C6orf136: variants seen among roughly 807,000 people sequenced by gnomAD.
C6orf136 encodes the protein chromosome 6 open reading frame 136, also known as uncharacterized protein C6orf136.
A neutral mutation model predicts 44.0 loss-of-function variants in C6orf136; 29 were observed. The ratio of observed to expected loss-of-function variants is 0.66; its 90% CI spans 0.49 to 0.90. The LOEUF (loss-of-function observed/expected upper bound fraction) is 0.90, where lower values mean the gene tolerates loss of function less well. C6orf136 is among the 40% of genes least tolerant of loss of function. The probability of loss-of-function intolerance (pLI) is 0.00; values close to 1 mark genes in which losing one functional copy is unlikely to be tolerated. For synonymous variants in C6orf136, 293 were observed against 278.6 expected, an observed-to-expected ratio of 1.05 and a Z score of -0.52; for missense variants, 628 against 669.3, an observed-to-expected ratio of 0.94 and a Z score of 0.68.
Position 30,651,036 on chromosome 6 carries a change from TC to T in C6orf136, c.1062del (p.Leu355TrpfsTer24), listed in dbSNP as rs1296177472. 1 of 1,614,168 alleles carries T rather than the reference TC, an allele frequency of 6.2e-7. No individual in the cohort carries two copies. Among genetic ancestry groups the T allele is most frequent in the Admixed American group, 1.7e-5 (1 of 60,010 alleles). ...FLQSHDYSLYSLDVEFINEIL... is the reference protein window; with the variant it reads ...FLQSHDYSLYXLDVEFINEIL... ...TCAGTCCCACGACTACAGTCTGTAT[TC>T]CTTGGATGTGGAATTCATCAATGAG... On this transcript the variant is annotated frameshift_variant, in exon 3 of 6. Transcript: ENST00000651131. LOFTEE classifies it high-confidence loss of function.
chr6:30,649,835 C>G lies in C6orf136; in HGVS notation c.893C>G (p.Pro298Arg). ...LRSLFEGPPCPYPGAWIPFQV... is the reference protein window; with the variant it reads ...LRSLFEGPPCRYPGAWIPFQV... ...AGCCTTTTTGAGGGACCTCCCTGCCCCTATCCTGGGGCTTGGATACCTTTC... is the reference window on the plus strand; with the variant it reads ...AGCCTTTTTGAGGGACCTCCCTGCCGCTATCCTGGGGCTTGGATACCTTTC... Residue 298 changes from proline (P) to arginine (R), a missense_variant, in exon 2 of 6, where the codon CCC (proline) becomes CGC (arginine). Physicochemically the swap from Pro to Arg is moderately radical, Grantham distance 103. Coordinates refer to ENST00000651131, the MANE Select transcript of C6orf136 (RefSeq NM_001161376.2). 1 of 1,614,102 alleles carries G rather than the reference C, an allele frequency of 6.2e-7. No homozygotes were observed.
chr6:30,649,933 G>A lies in C6orf136; in HGVS notation c.991G>A (p.Val331Ile). ...GDPSMEEHLS[V>I]MYERLRQELP... ...TCCTAGTATGGAGGAACATCTGTCT[G>A]TCATGTATGAGAGACTGAGACAAGA... Residue 331 changes from valine to isoleucine, a missense_variant, in exon 2 of 6, where the codon GTC becomes ATC. By Grantham distance (29) the Val-to-Ile change is conservative. Coordinates refer to ENST00000651131, the MANE Select transcript of C6orf136 (RefSeq NM_001161376.2). 1 of 1,613,696 alleles carries A rather than the reference G, an allele frequency of 6.2e-7. No individual in the cohort carries two copies. The highest frequency in any genetic ancestry group is 8.5e-7 in the Non-Finnish European group (1 of 1,179,942).
Position 30,647,207 on chromosome 6 carries a change from G to T in C6orf136, c.-25G>T. On this transcript the variant is annotated 5_prime_UTR_variant, in exon 1 of 6. Coordinates refer to ENST00000651131, the MANE Select transcript of C6orf136 (RefSeq NM_001161376.2). The surrounding 1 kb of genome is among the most constrained non-coding windows in gnomAD (Gnocchi z 4.8). ...GGAGGCCGGAGGTCGGACTCAGGAG[G>T]CTCCTTCTCCACTCCCGGAAGATCA... The T allele has an allele frequency of 6.4e-7, 1 of 1,554,568 alleles. No homozygotes were observed. Among genetic ancestry groups the T allele is most frequent in the Non-Finnish European group, 8.6e-7 (1 of 1,157,616 alleles).
rs763976351 is a variant in C6orf136 at position 30,647,694 on chromosome 6, C to T, written c.463C>T (p.Arg155Cys). The change falls in exon 1 of 6, where the codon CGC (arginine) becomes TGC (cysteine). Residue 155 changes from arginine to cysteine, a missense_variant. Transcript: ENST00000651131. The surrounding 1 kb of genome is among the most constrained non-coding windows in gnomAD (Gnocchi z 4.8). ...SSPAQTRPAG[R>C]PQQPARLALG... ...CCCGGCCCAGACCAGACCCGCGGGG[C>T]GCCCTCAGCAGCCCGCCCGTCTTGC... is the stretch of plus-strand genomic sequence containing the variant. The T allele has an allele frequency of 6.5e-7, 1 of 1,550,112 alleles. No individual in the cohort carries two copies. Among genetic ancestry groups the T allele is most frequent in the Admixed American group, 2.0e-5 (1 of 50,986 alleles).
At position 30,647,160 on chromosome 6, in the gene C6orf136, T is replaced by C. The variant is rs1289451257; in HGVS notation, c.-72T>C. 13 of 1,140,668 alleles carry C rather than the reference T, an allele frequency of 1.1e-5. No homozygotes were observed. The South Asian group carries it at 1.2e-4, about 11-fold the overall frequency. The allele number at this position is 1,140,668 out of a possible 1,614,324, so 70.7% of individuals were successfully genotyped here. A position where few individuals can be genotyped will look rare whatever the true frequency, so the allele number is the denominator to read the frequency against. On this transcript the variant is annotated 5_prime_UTR_variant, in exon 1 of 6. Transcript: ENST00000651131. The surrounding 1 kb of genome is among the most constrained non-coding windows in gnomAD (Gnocchi z 4.8). ...CCTTTCCCCTTCACGAAGCCGGCTC[T>C]GGGGCGCGCTCACCCCTGTGAGGAG...
At chr6:30,649,454 C>G (rs374386693) in intron 1 of C6orf136, 104 bp from the exon 2 acceptor site, 1 of 994,562 alleles carries the variant, frequency 1.0e-6, no homozygotes, top group Non-Finnish European at 1.5e-6. Flanking sequence ...TCCATCCATT[C>G]TGTCAGGAGG....
intron 2 of C6orf136, 72 bp downstream of exon 2, chr6:30,650,031 G>A: frequency 1.5e-6 from 2 of 1,340,812 alleles, no homozygotes; most frequent in Non-Finnish European, 2.1e-6. Flanking sequence ...TACAGGGATA[G>A]TCAACTGGAT....
Position 30,647,157 on chromosome 6 carries a change from C to T in C6orf136, c.-75C>T. 3 of 1,185,492 alleles carry T rather than the reference C, an allele frequency of 2.5e-6. No homozygotes were observed. Among genetic ancestry groups the T allele is most frequent in the South Asian group, 3.0e-5 (2 of 66,308 alleles). The allele number at this position is 1,185,492 out of a possible 1,614,324, so 73.4% of individuals were successfully genotyped here. A position where few individuals can be genotyped will look rare whatever the true frequency, so the allele number is the denominator to read the frequency against. On this transcript the variant is annotated 5_prime_UTR_variant, in exon 1 of 6. Transcript: ENST00000651131. This position sits in a 1 kb window ranked among gnomAD's most constrained non-coding sequence, Gnocchi z 4.8. ...CCTCCTTTCCCCTTCACGAAGCCGG[C>T]TCTGGGGCGCGCTCACCCCTGTGAG...
Position 30,647,444 on chromosome 6 carries a change from C to T in C6orf136, c.213C>T (p.Arg71=), listed in dbSNP as rs1454956287. 6.8e-7 allele frequency: 1 copy of T among 1,471,492 alleles called. No individual in the cohort carries two copies. The highest frequency in any genetic ancestry group is 9.0e-7 in the Non-Finnish European group (1 of 1,107,370). The allele number at this position is 1,471,492 out of a possible 1,614,324, so 91.2% of individuals were successfully genotyped here. The change falls in exon 1 of 6, where the codon CGC becomes CGT. Residue 71 remains arginine, a synonymous_variant. Transcript: ENST00000651131. This position sits in a 1 kb window ranked among gnomAD's most constrained non-coding sequence, Gnocchi z 4.8. ...PPPLPTCALQ[R]VDRLGVAGAG... ...CCCTTCCCACCTGTGCCCTGCAGCG[C>T]GTGGACAGGCTAGGGGTCGCGGGAG...
rs554320988 is a variant in C6orf136, at chr6:30,651,002, G to A, written c.1026G>A (p.Lys342=). ...CATCTTCTTCCACCTAGCTTCCCAA[G>A]CTCTTCCTTCAGTCCCACGACTACA... ...MYERLRQELP[K]LFLQSHDYSL... is the part of the protein sequence containing the mutation. The change falls in exon 3 of 6, where the codon AAG becomes AAA. Residue 342 remains lysine, a synonymous_variant. Transcript: ENST00000651131. 1 of 1,613,068 alleles carries A rather than the reference G, an allele frequency of 6.2e-7. No homozygotes were observed. Among genetic ancestry groups the A allele is most frequent in the South Asian group, 1.1e-5 (1 of 91,064 alleles).
intron 4 of C6orf136, among the ~76,000 whole-genome samples, chr6:30,652,271 A>G (rs953975472): frequency 5.7e-4 from 86 of 151,634 alleles, no homozygotes; most frequent in African/African-American, 2.0e-3. Context: ...ACACACACAC[A>G]CACACACACA....
rs1393097789 is a variant in C6orf136, at chr6:30,647,828, G to C, written c.597G>C (p.Arg199Ser). 2 of 1,507,810 alleles carry C rather than the reference G, an allele frequency of 1.3e-6. No individual in the cohort carries two copies. Among genetic ancestry groups the C allele is most frequent in the South Asian group, 1.2e-5 (1 of 80,380 alleles). 93.4% of individuals were successfully genotyped at this position (1,507,810 alleles called of 1,614,324 possible). The change falls in exon 1 of 6, where the codon AGG becomes AGC. Residue 199 changes from arginine to serine, a missense_variant. This residue lies in a region of C6orf136 where 497 missense variants were observed against 469.2 expected (regional missense o/e 1.06). Transcript: ENST00000651131. This position sits in a 1 kb window ranked among gnomAD's most constrained non-coding sequence, Gnocchi z 4.8. Reference protein sequence around the residue: ...GHAPSRDGASRTPSGTEDQLY... With the variant: ...GHAPSRDGASSTPSGTEDQLY... ...CCCCCAGCAGAGACGGCGCCTCTAGGACACCATCGGGGACCGAGGTACCCG... is the reference window on the plus strand; with the variant it reads ...CCCCCAGCAGAGACGGCGCCTCTAGCACACCATCGGGGACCGAGGTACCCG...
In C6orf136 at chr6:30,647,464, C is replaced by T. The variant is rs1371512455; in HGVS notation, c.233C>T (p.Ala78Val). The change falls in exon 1 of 6, where the codon GCG becomes GTG. Residue 78 changes from alanine to valine, a missense_variant. Ala to Val is a moderately conservative substitution (Grantham distance 64, BLOSUM62 0). Transcript: ENST00000651131. The surrounding 1 kb of genome is among the most constrained non-coding windows in gnomAD (Gnocchi z 4.8). ...ALQRVDRLGV[A>V]GAGGRRCRAC... Reference sequence around the variant, plus strand: ...CAGCGCGTGGACAGGCTAGGGGTCGCGGGAGCGGGAGGGAGGCGCTGCCGG... The same window carrying T: ...CAGCGCGTGGACAGGCTAGGGGTCGTGGGAGCGGGAGGGAGGCGCTGCCGG... 4.7e-6 allele frequency: 7 copies of T among 1,482,238 alleles called. No individual in the cohort carries two copies. In the Admixed American group the frequency reaches 1.6e-4, roughly 33 times the overall value. 91.8% of individuals were successfully genotyped at this position (1,482,238 alleles called of 1,614,324 possible).
Position 30,647,720 on chromosome 6 carries a change from A to G in C6orf136, c.489A>G (p.Ala163=). The G allele has an allele frequency of 6.5e-7, 1 of 1,549,962 alleles. No individual in the cohort carries two copies. Among genetic ancestry groups the G allele is most frequent in the East Asian group, 2.4e-5 (1 of 40,906 alleles). ...AGRPQQPARL[A]LGERSWQEGR... ...GCCCTCAGCAGCCCGCCCGTCTTGC[A>G]CTCGGAGAGCGGTCCTGGCAGGAAG... The change falls in exon 1 of 6, where the codon GCA becomes GCG. Residue 163 remains alanine (A), a synonymous_variant. Transcript: ENST00000651131. The surrounding 1 kb of genome is among the most constrained non-coding windows in gnomAD (Gnocchi z 4.8).
At chr6:30,652,017 G>A (rs545408760) in intron 4 of C6orf136, among the ~76,000 whole-genome samples, 12 of 152,042 alleles carry the variant, frequency 7.9e-5, no homozygotes, top group Non-Finnish European at 1.2e-4. Flanking sequence ...TTGGGAGGCC[G>A]AGGTGGGCGG....
At chr6:30,648,862 G>T (rs924601821) in intron 1 of C6orf136, among the ~76,000 whole-genome samples, 3 of 151,668 alleles carry the variant, frequency 2.0e-5, no homozygotes, top group African/African-American at 7.3e-5. Flanking sequence ...ACAAAAATTA[G>T]CCGGGCGTGG....
At chr6:30,652,617 C>A (rs756420998) in intron 4 of C6orf136, 31 bp from the exon 5 acceptor site, 1 of 1,596,266 alleles carries the variant, frequency 6.3e-7, no homozygotes, top group Admixed American at 1.7e-5. Context: ...CAGTCACCTT[C>A]TCCCTCAGTA....
At chr6:30,652,404 T>C (rs895401719) in intron 4 of C6orf136, among the ~76,000 whole-genome samples, 2 of 152,104 alleles carry the variant, frequency 1.3e-5, no homozygotes, top group Admixed American at 1.3e-4. Flanking sequence ...TGGATATAAG[T>C]TTTTAAACCA....
chr6:30,649,715 A>G lies in C6orf136; in HGVS notation c.773A>G (p.Gln258Arg). 1.9e-6 allele frequency: 3 copies of G among 1,612,514 alleles called. No homozygotes were observed. The highest frequency in any genetic ancestry group is 2.5e-6 in the Non-Finnish European group (3 of 1,179,470). ...QVPPLPLPQI[Q>R]ALSSAWVVLP... ...CCCCCACTACCTCTCCCTCAGATCCAGGCCCTCAGCTCAGCATGGGTGGTT... is the reference window on the plus strand; with the variant it reads ...CCCCCACTACCTCTCCCTCAGATCCGGGCCCTCAGCTCAGCATGGGTGGTT... The change falls in exon 2 of 6, where the codon CAG becomes CGG. Residue 258 changes from glutamine to arginine, a missense_variant. Physicochemically the swap from Gln to Arg is conservative, Grantham distance 43. Coordinates refer to ENST00000651131, the MANE Select transcript of C6orf136 (RefSeq NM_001161376.2).
Sources: allele counts gnomAD v4.1 joint callset (sites outside exome capture counted in the v4.1 genomes callset), GRCh38; gene constraint gnomAD v4.1.1; regional missense constraint gnomAD v4.1.1; non-coding constraint Gnocchi (gnomAD v3.1); transcripts MANE v1.5; gene names NCBI Gene and HGNC (gene_info 2026-07-23, HGNC 2026-07-21).